Variants in MAN2C1 observed in about 807,000 individuals in gnomAD.
The protein encoded by MAN2C1 is alpha-mannosidase 2C1.
MAN2C1 carries 111 observed loss-of-function variants against 126.9 expected under a neutral mutation model. That is an observed-to-expected ratio of 0.87 (90% CI 0.75 to 1.02). MAN2C1 has a LOEUF of 1.02. MAN2C1 is among the 50% of genes least tolerant of loss of function. MAN2C1 has a pLI of 0.00. For missense variants in MAN2C1, 1,363 were observed against 1,364.4 expected (o/e 1.00, Z 0.02); for synonymous variants, 567 against 561.5 (o/e 1.01, Z -0.14).
rs1178712012 is a variant in MAN2C1, at chr15:75,365,725, T to TCAAAAAAATC, written c.422+787_422+796dup. On this transcript the variant is annotated intron_variant, in intron 4 of 25. Transcript: ENST00000267978. Reference sequence around the variant, plus strand: ...TGGGTAACAAAAGCGAAACTCCGTCTCAAAAAAATCCAAAAAAACCCCCCC... The same window carrying TCAAAAAAATC: ...TGGGTAACAAAAGCGAAACTCCGTCTCAAAAAAATCCAAAAAAATCCAAAAAAACCCCCCC... 71 of 207,688 alleles carry TCAAAAAAATC rather than the reference T, an allele frequency of 3.4e-4. 1 individual carries two copies. The South Asian group carries it at 3.7e-3, about 11-fold the overall frequency. The allele number at this position is 207,688 out of a possible 1,614,324, so 12.9% of individuals were successfully genotyped here.
rs1178684863 is a variant in MAN2C1 at position 75,361,153 on chromosome 15, C to T, written c.1353G>A (p.Arg451=). ...CAAAGAGGAAGGCACTGTGGTTGGC[C>T]CGCCCCTTGTCCCGGTTGTTGGCCA... ...KTVANNRDKG[R]ANHSAFLFGF... Residue 451 remains arginine, a synonymous_variant, in exon 12 of 26, where the codon CGG becomes CGA. Transcript: ENST00000267978. This position sits in a 1 kb window ranked among gnomAD's most constrained non-coding sequence, Gnocchi z 5.0. The T allele has an allele frequency of 6.2e-7, 1 of 1,613,150 alleles. No individual in the cohort carries two copies. The highest frequency in any genetic ancestry group is 2.2e-5 in the East Asian group (1 of 44,872).
In MAN2C1 at chr15:75,362,914, G is replaced by A. The variant is rs2072504507; in HGVS notation, c.791-166C>T. The A allele has an allele frequency of 3.2e-6, 2 of 621,432 alleles. No homozygotes were observed. Among genetic ancestry groups the A allele is most frequent in the Non-Finnish European group, 5.7e-6 (2 of 350,378 alleles). 38.5% of individuals were successfully genotyped at this position (621,432 alleles called of 1,614,324 possible). ...CACTTCACTTCACTCCAGCGAGGTG[G>A]GAGGAGGGGCTGGGGAAAGGAGGCG... is the stretch of plus-strand genomic sequence containing the variant. On this transcript the variant is annotated intron_variant, in intron 6 of 25. Transcript: ENST00000267978. The surrounding 1 kb of genome is among the most constrained non-coding windows in gnomAD (Gnocchi z 4.5).
Position 75,356,630 on chromosome 15 carries a change from T to G in MAN2C1, c.2713A>C (p.Thr905Pro), listed in dbSNP as rs1195048921. The G allele has an allele frequency of 6.4e-7, 1 of 1,566,540 alleles. No homozygotes were observed. Among genetic ancestry groups the G allele is most frequent in the Non-Finnish European group, 8.6e-7 (1 of 1,156,098 alleles). ...CCCTTGTGCGGCATCAGTGCATAGG[T>G]GAACTCGTGGCGCCCCGTGTCAGCA... ...ATADTGRHEF[T>P]YALMPHKGSF... Residue 905 changes from threonine to proline, a missense_variant, in exon 23 of 26, where the codon ACC becomes CCC. Coordinates refer to ENST00000267978, the MANE Select transcript of MAN2C1 (RefSeq NM_006715.4). The surrounding 1 kb of genome is among the most constrained non-coding windows in gnomAD (Gnocchi z 5.8).
chr15:75,356,363 C>G lies in MAN2C1; in HGVS notation c.2824G>C (p.Ala942Pro), dbSNP rs1428060631. ...LALPAPSPAPATSWSAFSVSS... is the reference protein window; with the variant it reads ...LALPAPSPAPPTSWSAFSVSS... ...ACGGAAAACGCACTCCAGGAGGTGG[C>G]GGGCGCTGGGCTGGGGGCTGGCAGA... is the stretch of plus-strand genomic sequence containing the variant. Residue 942 changes from alanine to proline, a missense_variant, in exon 24 of 26, where the codon GCC (alanine) becomes CCC (proline). Around this residue, in one of 3 missense-constraint regions of MAN2C1, gnomAD observed 668 missense variants for 650.1 expected, o/e 1.03. Coordinates refer to ENST00000267978, the MANE Select transcript of MAN2C1 (RefSeq NM_006715.4). The surrounding 1 kb of genome is among the most constrained non-coding windows in gnomAD (Gnocchi z 5.8). 6.2e-7 allele frequency: 1 copy of G among 1,611,536 alleles called. No homozygotes were observed. The highest frequency in any genetic ancestry group is 8.5e-7 in the Non-Finnish European group (1 of 1,179,104).
At chr15:75,360,339 G>A (rs2072441388) in intron 13 of MAN2C1, 128 bp from the exon 14 acceptor site, 2 of 1,401,402 alleles carry the variant, frequency 1.4e-6, no homozygotes, top group Non-Finnish European at 1.9e-6. Flanking sequence ...TCTGGCGGGT[G>A]ACCTGCCTTA....
At chr15:75,364,802 G>T in intron 4 of MAN2C1, 137 bp from the exon 5 acceptor site, 1 of 681,908 alleles carries the variant, frequency 1.5e-6, no homozygotes, top group Non-Finnish European at 2.3e-6. Flanking sequence ...GGATCCCACA[G>T]TGTGACAAGA....
rs764047540 is a variant in MAN2C1, at chr15:75,362,302, T to G, written c.1008+41A>C. 20 of 1,568,002 alleles carry G rather than the reference T, an allele frequency of 1.3e-5. No individual in the cohort carries two copies. In the East Asian group the frequency reaches 4.3e-4, roughly 33 times the overall value. On this transcript the variant is annotated intron_variant, in intron 8 of 25. Coordinates refer to ENST00000267978, the MANE Select transcript of MAN2C1 (RefSeq NM_006715.4). This position sits in a 1 kb window ranked among gnomAD's most constrained non-coding sequence, Gnocchi z 4.5. Reference sequence around the variant, plus strand: ...GCGGGGCTACCTGAGGGAAGGCTGTTGTCATACAGTTCAAGGCTGAGGAGT... The same window carrying G: ...GCGGGGCTACCTGAGGGAAGGCTGTGGTCATACAGTTCAAGGCTGAGGAGT...
In MAN2C1 at chr15:75,356,608, TTG is replaced by T. The variant is rs763231900; in HGVS notation, c.2733_2734del (p.His911GlnfsTer67). On this transcript the variant is annotated frameshift_variant, in exon 23 of 26. Coordinates refer to ENST00000267978, the MANE Select transcript of MAN2C1 (RefSeq NM_006715.4). LOFTEE classifies it high-confidence loss of function. This position sits in a 1 kb window ranked among gnomAD's most constrained non-coding sequence, Gnocchi z 5.8. Reference sequence around the variant, plus strand: ...GCCCCACCGTCCCCAGCACTCACCCTTGTGCGGCATCAGTGCATAGGTGAACT... The same window carrying T: ...GCCCCACCGTCCCCAGCACTCACCCTTGCGGCATCAGTGCATAGGTGAACT... The T allele has an allele frequency of 2.9e-4, 454 of 1,559,744 alleles. No individual in the cohort carries two copies. Among genetic ancestry groups the T allele is most frequent in the Non-Finnish European group, 3.8e-4 (438 of 1,152,374 alleles).
At position 75,356,851 on chromosome 15, in the gene MAN2C1, G is replaced by A; in HGVS notation, c.2599C>T (p.Leu867=). The change falls in exon 22 of 26, where the codon CTG becomes TTG. Residue 867 remains leucine, a synonymous_variant. Coordinates refer to ENST00000267978, the MANE Select transcript of MAN2C1 (RefSeq NM_006715.4). This position sits in a 1 kb window ranked among gnomAD's most constrained non-coding sequence, Gnocchi z 5.8. ...GCGCCATACTTGCAGTCGTTGAGCA[G>A]GGCCAGCCCAAAGCCGTGTTCTGAC... ...DLSEHGFGLA[L]LNDCKYGASV... is the part of the protein sequence containing the mutation. 1 of 1,614,166 alleles carries A rather than the reference G, an allele frequency of 6.2e-7. No individual in the cohort carries two copies. Among genetic ancestry groups the A allele is most frequent in the Non-Finnish European group, 8.5e-7 (1 of 1,180,044 alleles).
At chr15:75,367,958 G>T in intron 2 of MAN2C1, 115 bp downstream of exon 2, 1 of 1,344,216 alleles carries the variant, frequency 7.4e-7, no homozygotes, top group African/African-American at 1.5e-5. Flanking sequence ...AGAGGGTGCT[G>T]CTCGATCCCA....
chr15:75,368,197 G>A lies in MAN2C1; in HGVS notation c.103C>T (p.Leu35Phe), dbSNP rs1595880747. 6.2e-7 allele frequency: 1 copy of A among 1,602,452 alleles called. No individual in the cohort carries two copies. Among genetic ancestry groups the A allele is most frequent in the South Asian group, 1.1e-5 (1 of 89,758 alleles). ...YFTDCNLRGR[L>F]FGASCPVAVL... is the part of the protein sequence containing the mutation. ...GCCACAGGGCAGCTGGCCCCAAAAAGCCTGCGTGGGACGGGCCGGTGGGCA... is the reference window on the plus strand; with the variant it reads ...GCCACAGGGCAGCTGGCCCCAAAAAACCTGCGTGGGACGGGCCGGTGGGCA... Residue 35 changes from leucine to phenylalanine, a missense_variant and splice_region_variant, in exon 2 of 26, where the codon CTT becomes TTT. Leu to Phe is a conservative substitution (Grantham distance 22). This residue lies in a region of MAN2C1 where 628 missense variants were observed against 609.8 expected (regional missense o/e 1.03). Coordinates refer to ENST00000267978, the MANE Select transcript of MAN2C1 (RefSeq NM_006715.4).
Position 75,364,576 on chromosome 15 carries a change from A to G in MAN2C1, c.512T>C (p.Phe171Ser). Residue 171 changes from phenylalanine to serine, a missense_variant, in exon 5 of 26, where the codon TTC becomes TCC. By Grantham distance (155) the Phe-to-Ser change is radical. This residue lies in a region of MAN2C1 where 628 missense variants were observed against 609.8 expected (regional missense o/e 1.03). Transcript: ENST00000267978. Reference sequence around the variant, plus strand: ...AGCTAGCTCAGCCCGGCTCAGCTGGAACATCTTCTCAGGGTCAGGGGCTGC... The same window carrying G: ...AGCTAGCTCAGCCCGGCTCAGCTGGGACATCTTCTCAGGGTCAGGGGCTGC... Reference protein sequence around the residue: ...MIAAPDPEKMFQLSRAELAVF... With the variant: ...MIAAPDPEKMSQLSRAELAVF... The G allele has an allele frequency of 6.2e-7, 1 of 1,613,198 alleles. No individual in the cohort carries two copies. Among genetic ancestry groups the G allele is most frequent in the African/African-American group, 1.3e-5 (1 of 75,012 alleles).
In MAN2C1 at chr15:75,360,072, G is replaced by C. The variant is rs1450102806; in HGVS notation, c.1706+18C>G. ...CAGTGAGCAGTCAGGTGGATGGCAGGGACAGAACTGGGCTGACCTCCAGAG... is the reference window on the plus strand; with the variant it reads ...CAGTGAGCAGTCAGGTGGATGGCAGCGACAGAACTGGGCTGACCTCCAGAG... On this transcript the variant is annotated intron_variant, in intron 14 of 25. Coordinates refer to ENST00000267978, the MANE Select transcript of MAN2C1 (RefSeq NM_006715.4). 1.2e-6 allele frequency: 2 copies of C among 1,614,006 alleles called. No individual in the cohort carries two copies. Among genetic ancestry groups the C allele is most frequent in the Non-Finnish European group, 1.7e-6 (2 of 1,179,994 alleles).
rs769071291 is a variant in MAN2C1 at position 75,361,976 on chromosome 15, C to T, written c.1009-29G>A. On this transcript the variant is annotated intron_variant, in intron 8 of 25. Transcript: ENST00000267978. This position sits in a 1 kb window ranked among gnomAD's most constrained non-coding sequence, Gnocchi z 5.0. ...GCAGTGAAGGAAGTGGGAGGCAGCCCAGGTCAGCGCTGGACGGGGAGCAGG... is the reference window on the plus strand; with the variant it reads ...GCAGTGAAGGAAGTGGGAGGCAGCCTAGGTCAGCGCTGGACGGGGAGCAGG... The T allele has an allele frequency of 3.9e-6, 6 of 1,553,688 alleles. No individual in the cohort carries two copies. Among genetic ancestry groups the T allele is most frequent in the Admixed American group, 3.3e-5 (2 of 59,938 alleles).
At chr15:75,358,131 C>G in intron 21 of MAN2C1, 70 bp downstream of exon 21, 1 of 1,571,248 alleles carries the variant, frequency 6.4e-7, no homozygotes, top group Non-Finnish European at 8.7e-7. Flanking sequence ...TCCTCCCCAG[C>G]CTGTTCCACA....
In MAN2C1 at chr15:75,359,681, T is replaced by C; in HGVS notation, c.1887A>G (p.Thr629=). The change falls in exon 16 of 26, where the codon ACA becomes ACG. Residue 629 remains threonine (T), a synonymous_variant. Coordinates refer to ENST00000267978, the MANE Select transcript of MAN2C1 (RefSeq NM_006715.4). ...PGPEGLLIVN[T]LPWKRIEVMA... ...TCACTTCGATCCGCTTCCAGGGCAG[T>C]GTGTTGACGATGAGGAGGCCCTCAG... 6.2e-7 allele frequency: 1 copy of C among 1,614,158 alleles called. No individual in the cohort carries two copies.
At position 75,361,657 on chromosome 15, in the gene MAN2C1, T is replaced by A. The variant is rs767079417; in HGVS notation, c.1165A>T (p.Ile389Phe). The change falls in exon 10 of 26, where the codon ATC becomes TTC. Residue 389 changes from isoleucine to phenylalanine, a missense_variant. Physicochemically the swap from Ile to Phe is conservative, Grantham distance 21 (BLOSUM62 0). Transcript: ENST00000267978. This position sits in a 1 kb window ranked among gnomAD's most constrained non-coding sequence, Gnocchi z 5.0. ...AATTTCTGGGTGAGAAAGCGCCTGA[T>A]GCCACAGCCGTGCATGATCTGGGGG... The part of the protein sequence containing the change: ...QLPQIMHGCG[I>F]RRFLTQKLSW... 6 of 1,614,014 alleles carry A rather than the reference T, an allele frequency of 3.7e-6. No homozygotes were observed. Among genetic ancestry groups the A allele is most frequent in the Non-Finnish European group, 5.1e-6 (6 of 1,180,016 alleles).
rs779863653 is a variant in MAN2C1, at chr15:75,362,707, G to A, written c.832C>T (p.Arg278Trp). Residue 278 changes from arginine to tryptophan, a missense_variant, in exon 7 of 26, where the codon CGG (arginine) becomes TGG (tryptophan). Arg to Trp is a moderately radical substitution (Grantham distance 101). This residue lies in a region of MAN2C1 where 628 missense variants were observed against 609.8 expected (regional missense o/e 1.03). Coordinates refer to ENST00000267978, the MANE Select transcript of MAN2C1 (RefSeq NM_006715.4). This position sits in a 1 kb window ranked among gnomAD's most constrained non-coding sequence, Gnocchi z 4.5. ...PFKETVRKCA[R>W]SWVTALQLME... is the part of the protein sequence containing the mutation. Reference sequence around the variant, plus strand: ...AGCTGCAGGGCGGTCACCCAGCTCCGGGCACATTTCCTCACAGTCTCTTTG... The same window carrying A: ...AGCTGCAGGGCGGTCACCCAGCTCCAGGCACATTTCCTCACAGTCTCTTTG... 7.4e-6 allele frequency: 12 copies of A among 1,614,016 alleles called. No homozygotes were observed. The highest frequency in any genetic ancestry group is 4.5e-5 in the East Asian group (2 of 44,890).
intron 21 of MAN2C1, 126 bp from the exon 22 acceptor site, chr15:75,357,028 T>C: frequency 1.4e-6 from 1 of 728,928 alleles, no homozygotes; most frequent in Non-Finnish European, 2.3e-6. Context: ...CAGCTCCCAC[T>C]GTACGGGGCC....
Sources: gnomAD v4.1 joint callset for allele counts on GRCh38, gnomAD v4.1.1 for gene constraint, gnomAD v4.1.1 regional missense constraint, Gnocchi (gnomAD v3.1) non-coding constraint, MANE v1.5 for transcripts, NCBI Gene and HGNC (gene_info 2026-07-23, HGNC 2026-07-21) for gene names.